Variants in TET2 observed in about 807,000 individuals in gnomAD.
TET2 encodes tet methylcytosine dioxygenase 2, also known as methylcytosine dioxygenase TET2.
In TET2, 299 loss-of-function variants were observed where a neutral mutation model predicts 142.9. The observed-to-expected ratio is 2.09, with a 90% CI of 1.90 to 2.30. The LOEUF is 2.30. TET2 is among the 30% of genes most tolerant of loss of function. TET2 has a pLI of 0.00. For synonymous variants in TET2, 819 were observed against 849.0 expected (o/e 0.96, Z 0.61); for missense variants, 2,418 against 2,378.0 (o/e 1.02, Z -0.35).
chr4:105,228,990 T>A (rs1194083596), intron 2 of TET2, among the ~76,000 whole-genome samples: 9 of 152,346 alleles, frequency 5.9e-5, no homozygotes, highest in African/African-American at 1.9e-4. Flanking sequence ...TTACATTTTC[T>A]AGTACTCACA....
chr4:105,163,852 A>AGT (rs1243395829), intron 1 of TET2, among the ~76,000 whole-genome samples: 84 of 105,876 alleles, frequency 7.9e-4, no homozygotes, highest in African/African-American at 1.1e-3. Context: ...AGAGAGAGAG[A>AGT]GAGTGTGTGT....
In TET2 at chr4:105,274,609, T is replaced by G. The variant is rs545458813; in HGVS notation, c.4538-439T>G. Among the ~76,000 whole-genome samples, 20 of 152,316 alleles carry G rather than the reference T, an allele frequency of 1.3e-4. No individual in the cohort carries two copies. The South Asian group carries it at 3.7e-3, about 28-fold the overall frequency. On this transcript the variant is annotated intron_variant, in intron 10 of 10. Transcript: ENST00000380013. ...GTGAAGAGAGGGCTAAAAACATAAC[T>G]ATAATACATTGTGAGTATTGCTTTA... is the stretch of plus-strand genomic sequence containing the variant.
At chr4:105,196,625 C>T (rs191332289) in intron 2 of TET2, among the ~76,000 whole-genome samples, 122 of 152,218 alleles carry the variant, frequency 8.0e-4, no homozygotes, top group Admixed American at 2.4e-3. Flanking sequence ...ACCTTTGTAC[C>T]GCTGTTCCTC....
Position 105,275,445 on chromosome 4 carries a change from T to A in TET2, c.4935T>A (p.Tyr1645Ter). 1 of 1,551,678 alleles carries A rather than the reference T, an allele frequency of 6.4e-7. No individual in the cohort carries two copies. Among genetic ancestry groups the A allele is most frequent in the Non-Finnish European group, 8.7e-7 (1 of 1,146,970 alleles). The change falls in exon 11 of 11, where the codon TAT becomes TAA. Residue 1645 changes from tyrosine (Y) to a stop codon, truncating the protein, a stop_gained. Coordinates refer to ENST00000380013, the MANE Select transcript of TET2 (RefSeq NM_001127208.3). LOFTEE classifies it low-confidence loss of function (END_TRUNC). ...GNLSVDNCSP[Y>*]LGSYSPQSQP... Reference sequence around the variant, plus strand: ...TATCAGTGGACAACTGCTCCCCATATCTGGGTTCCTATTCTCCCCAGTCTC... The same window carrying A: ...TATCAGTGGACAACTGCTCCCCATAACTGGGTTCCTATTCTCCCCAGTCTC...
intron 1 of TET2, among the ~76,000 whole-genome samples, chr4:105,171,946 A>G (rs1023103684): frequency 6.6e-5 from 10 of 152,160 alleles, no homozygotes; most frequent in African/African-American, 1.9e-4. Flanking sequence ...GAATTGGTAT[A>G]TATTTGGTAT....
At chr4:105,209,469 A>G (rs1477923257) in intron 2 of TET2, among the ~76,000 whole-genome samples, 2 of 151,902 alleles carry the variant, frequency 1.3e-5, no homozygotes, top group African/African-American at 4.8e-5. Context: ...TCTAGACTAG[A>G]GATCAAAATG....
In TET2 at chr4:105,234,908, A is replaced by G. The variant is rs1387148683; in HGVS notation, c.966A>G (p.Leu322=). The G allele has an allele frequency of 1.2e-6, 2 of 1,613,998 alleles. No individual in the cohort carries two copies. The highest frequency in any genetic ancestry group is 1.7e-6 in the Non-Finnish European group (2 of 1,180,012). The change falls in exon 3 of 11, where the codon CTA becomes CTG. Residue 322 remains leucine, a synonymous_variant. Transcript: ENST00000380013. The part of the protein sequence containing the change: ...NTCSFQKPEQ[L]QQQKSVFEIC... Reference sequence around the variant, plus strand: ...GTTCCTTTCAGAAACCAGAACAACTACAACAACAAAAATCAGTTTTTGAGA... The same window carrying G: ...GTTCCTTTCAGAAACCAGAACAACTGCAACAACAAAAATCAGTTTTTGAGA...
chr4:105,185,419 AT>A (rs956238197), intron 1 of TET2, among the ~76,000 whole-genome samples: 4 of 152,182 alleles, frequency 2.6e-5, no homozygotes, highest in African/African-American at 9.6e-5. Flanking sequence ...AATTTTAGCT[AT>A]TTTTATTGTC....
chr4:105,256,920 C>A (rs755593994), intron 6 of TET2, among the ~76,000 whole-genome samples: 7 of 152,012 alleles, frequency 4.6e-5, no homozygotes, highest in Non-Finnish European at 1.0e-4. Context: ...TTAATAATAT[C>A]TTTTTCTTGA....
chr4:105,249,830 A>G (rs939530793), intron 6 of TET2, among the ~76,000 whole-genome samples: 1 of 152,186 alleles, frequency 6.6e-6, no homozygotes. Flanking sequence ...CCTGGTTTGC[A>G]GATATTTTCT....
chr4:105,266,015 G>A (rs1396444795), intron 8 of TET2, among the ~76,000 whole-genome samples: 1 of 152,094 alleles, frequency 6.6e-6, no homozygotes, highest in Non-Finnish European at 1.5e-5. Context: ...GAGTGTTATT[G>A]AGAAAAGCTC....
rs553223415 is a variant in TET2 at position 105,277,528 on chromosome 4, CAAAG to C, written c.*1014_*1017del. On this transcript the variant is annotated 3_prime_UTR_variant, in exon 11 of 11. Transcript: ENST00000380013. ...TGCAAAGTTGATTTTTTTAAGGAAACAAAGAAAGCTTTTAAAATATTTTTGCTTT... is the reference window on the plus strand; with the variant it reads ...TGCAAAGTTGATTTTTTTAAGGAAACAAAGCTTTTAAAATATTTTTGCTTT... 1.1e-3 allele frequency: 253 copies of C among 226,910 alleles called. No homozygotes were observed. Among genetic ancestry groups the C allele is most frequent in the African/African-American group, 4.7e-3 (210 of 45,108 alleles). 14.1% of individuals were successfully genotyped at this position (226,910 alleles called of 1,614,324 possible).
rs1346403235 is a variant in TET2, at chr4:105,235,359, TC to T, written c.1418del (p.Ser473PhefsTer13). 6.2e-7 allele frequency: 1 copy of T among 1,614,142 alleles called. No homozygotes were observed. The highest frequency in any genetic ancestry group is 8.5e-7 in the Non-Finnish European group (1 of 1,180,022). On this transcript the variant is annotated frameshift_variant, in exon 3 of 11. Coordinates refer to ENST00000380013, the MANE Select transcript of TET2 (RefSeq NM_001127208.3). LOFTEE classifies it high-confidence loss of function. Reference sequence around the variant, plus strand: ...TCCATCTACACATGTATGCAGCCCTTCTCCGATGCTTTCTGAAAGGCCTCAG... The same window carrying T: ...TCCATCTACACATGTATGCAGCCCTTTCCGATGCTTTCTGAAAGGCCTCAG... Reference protein sequence around the residue: ...PNPSTHVCSPSPMLSERPQNN... With the variant: ...PNPSTHVCSPXPMLSERPQNN...
rs1241557021 is a variant in TET2 at position 105,190,524 on chromosome 4, T to G, written c.-47+19T>G. On this transcript the variant is annotated intron_variant, in intron 2 of 10. Coordinates refer to ENST00000380013, the MANE Select transcript of TET2 (RefSeq NM_001127208.3). ...GCTGCTGGTAAGACAGTGGAGACAG[T>G]TGACACTTGTTTGTCAAGTATGAAT... The G allele has an allele frequency of 5.7e-6, 4 of 697,358 alleles. No individual in the cohort carries two copies. Among genetic ancestry groups the G allele is most frequent in the Non-Finnish European group, 1.0e-5 (4 of 383,524 alleles). 43.2% of individuals were successfully genotyped at this position (697,358 alleles called of 1,614,324 possible).
chr4:105,212,974 A>C (rs1727263190), intron 2 of TET2, among the ~76,000 whole-genome samples: 1 of 152,154 alleles, frequency 6.6e-6, no homozygotes, highest in South Asian at 2.1e-4. Flanking sequence ...TGGTCGACAG[A>C]GTGAGAATCT....
In TET2 at chr4:105,275,086, C is replaced by T. The variant is rs777761555; in HGVS notation, c.4576C>T (p.Gln1526Ter). ...RLSGPVMQQS[Q>*]QPQPLQKQPP... ...TTCAGGACCAGTCATGCAGCAGTCC[C>T]AGCAGCCCCAGCCTCTACAGAAGCA... The change falls in exon 11 of 11, where the codon CAG becomes TAG. Residue 1526 changes from glutamine (Q) to a stop codon, truncating the protein, a stop_gained. Transcript: ENST00000380013. LOFTEE classifies it low-confidence loss of function (END_TRUNC). 1.3e-6 allele frequency: 2 copies of T among 1,548,872 alleles called. No homozygotes were observed. Among genetic ancestry groups the T allele is most frequent in the Non-Finnish European group, 8.7e-7 (1 of 1,145,530 alleles).
At chr4:105,192,026 G>A (rs1725819096) in intron 2 of TET2, among the ~76,000 whole-genome samples, 1 of 152,032 alleles carries the variant, frequency 6.6e-6, no homozygotes, top group Non-Finnish European at 1.5e-5. Flanking sequence ...CACTCTGTGA[G>A]AACTGTGACT....
At chr4:105,183,000 G>A (rs1190993262) in intron 1 of TET2, among the ~76,000 whole-genome samples, 2 of 152,008 alleles carry the variant, frequency 1.3e-5, no homozygotes, top group Non-Finnish European at 2.9e-5. Context: ...TGTAAGGTAG[G>A]GTTCATGTAT....
At chr4:105,258,187 T>A (rs1730237401) in intron 6 of TET2, among the ~76,000 whole-genome samples, 1 of 152,340 alleles carries the variant, frequency 6.6e-6, no homozygotes, top group South Asian at 2.1e-4. Context: ...GCAAGCTTTT[T>A]GCTAATTTCC....
Sources: allele counts gnomAD v4.1 joint callset (sites outside exome capture counted in the v4.1 genomes callset), GRCh38; gene constraint gnomAD v4.1.1; transcripts MANE v1.5; gene names NCBI Gene and HGNC (gene_info 2026-07-23, HGNC 2026-07-21).